The following FRAS1 variants were observed in gnomAD, a reference collection of about 807,000 sequenced individuals.
FRAS1 encodes Fraser extracellular matrix complex subunit 1, also known as extracellular matrix organizing protein FRAS1.
In FRAS1, 290 loss-of-function variants were observed where a neutral mutation model predicts 435.2. The ratio of observed to expected loss-of-function variants is 0.67; its 90% confidence interval spans 0.61 to 0.73. The LOEUF is 0.73. Among genes scored for constraint, FRAS1 ranks in the 30% least tolerant of loss-of-function variants. The pLI, the probability that FRAS1 is intolerant of heterozygous loss-of-function variation, is 0.00. For missense variants in FRAS1, 4,860 were observed against 5,001.5 expected, an observed-to-expected ratio of 0.97 and a Z score of 0.85; for synonymous variants, 1,800 against 1,851.0, an observed-to-expected ratio of 0.97 and a Z score of 0.71.
chr4:78,072,578 G>A (rs964501866), intron 2 of FRAS1, among the ~76,000 whole-genome samples: 2 of 152,070 alleles, frequency 1.3e-5, no homozygotes, highest in Non-Finnish European at 2.9e-5. Context: ...TGCACTCAGC[G>A]GGGAAGCAAT....
chr4:78,418,883 C>A (rs1733650562), intron 32 of FRAS1, 66 bp from the exon 33 acceptor site: 2 of 897,710 alleles, frequency 2.2e-6, no homozygotes, highest in South Asian at 1.6e-5. Context: ...TTAATAAGGT[C>A]TGTTTTTGCC....
At chr4:78,300,089 T>C (rs1728316685) in intron 14 of FRAS1, among the ~76,000 whole-genome samples, 1 of 152,194 alleles carries the variant, frequency 6.6e-6, no homozygotes. Flanking sequence ...GCATGAACAG[T>C]CGTTGACTCT....
intron 15 of FRAS1, 41 bp downstream of exon 15, chr4:78,308,250 TC>T: frequency 6.3e-7 from 1 of 1,591,400 alleles, no homozygotes; most frequent in Non-Finnish European, 8.6e-7. Context: ...CTTTCCTTTT[TC>T]TTTTCCAGCA....
At chr4:78,135,730 G>T (rs887533984) in intron 2 of FRAS1, among the ~76,000 whole-genome samples, 2 of 152,162 alleles carry the variant, frequency 1.3e-5, no homozygotes, top group African/African-American at 4.8e-5. Context: ...CAGCACTACT[G>T]CACATGGTTG....
At chr4:78,370,615 A>G (rs1189749339) in intron 23 of FRAS1, among the ~76,000 whole-genome samples, 1 of 152,198 alleles carries the variant, frequency 6.6e-6, no homozygotes, top group Non-Finnish European at 1.5e-5. Flanking sequence ...GTTTGCATTT[A>G]CAACTTGAGA....
chr4:78,171,013 T>C (rs1721527527), intron 2 of FRAS1, among the ~76,000 whole-genome samples: 1 of 152,046 alleles, frequency 6.6e-6, no homozygotes. Context: ...TTACCAGTCT[T>C]AGGCACAGTC....
At chr4:78,498,842 T>TTTTATTTATTTATTTA (rs61394042) in intron 60 of FRAS1, among the ~76,000 whole-genome samples, 2,144 of 147,756 alleles carry the variant, frequency 0.015, 22 homozygotes, top group African/African-American at 0.033. Flanking sequence ...CAATATATTA[T>TTTTATTTATTTATTTA]TTTATTTATT....
intron 50 of FRAS1, among the ~76,000 whole-genome samples, chr4:78,468,038 TTGA>T (rs1197119050): frequency 1.3e-5 from 2 of 152,142 alleles, no homozygotes; most frequent in East Asian, 3.9e-4. Context: ...CTTCACTGTG[TTGA>T]TTGTTTTCTT....
At chr4:78,277,119 G>A (rs10023311) in intron 9 of FRAS1, among the ~76,000 whole-genome samples, 51,440 of 152,038 alleles carry the variant, frequency 0.34, 9,050 homozygotes, top group South Asian at 0.59. Flanking sequence ...CGAGCCAGGC[G>A]TGGGATATAA....
intron 47 of FRAS1, among the ~76,000 whole-genome samples, chr4:78,453,782 G>A (rs1578334064): frequency 8.2e-6 from 1 of 121,460 alleles, no homozygotes; most frequent in Admixed American, 8.8e-5. Context: ...TGGTGACAGA[G>A]CAAGACCCTA....
At chr4:78,386,299 A>G (rs1732216350) in intron 28 of FRAS1, among the ~76,000 whole-genome samples, 1 of 152,178 alleles carries the variant, frequency 6.6e-6, no homozygotes, top group Admixed American at 6.5e-5. Context: ...AAATTTTCTC[A>G]TGCAAGTTAA....
At chr4:78,308,448 G>T (rs1309599900) in intron 15 of FRAS1, among the ~76,000 whole-genome samples, 2 of 152,208 alleles carry the variant, frequency 1.3e-5, no homozygotes, top group African/African-American at 4.8e-5. Context: ...TCCCGCAGAT[G>T]AAGATAGTGA....
At chr4:78,298,815 A>G (rs1287840341) in intron 14 of FRAS1, among the ~76,000 whole-genome samples, 1 of 152,226 alleles carries the variant, frequency 6.6e-6, no homozygotes. Context: ...CAGTCTGGAT[A>G]CTGGGGGTTT....
At chr4:78,079,889 C>T (rs999429814) in intron 2 of FRAS1, among the ~76,000 whole-genome samples, 5 of 152,124 alleles carry the variant, frequency 3.3e-5, no homozygotes, top group African/African-American at 1.2e-4. Flanking sequence ...TGAAAGCACG[C>T]TGGCCAAAGA....
chr4:78,329,904 G>A (rs1270514989), intron 18 of FRAS1, among the ~76,000 whole-genome samples: 1 of 152,154 alleles, frequency 6.6e-6, no homozygotes, highest in African/African-American at 2.4e-5. Context: ...GTCTATTGGG[G>A]GCTCCACTGT....
In FRAS1 at chr4:78,506,588, G is replaced by A. The variant is rs1022389156; in HGVS notation, c.9317-833G>A. Among the ~76,000 whole-genome samples, 9 of 152,356 alleles carry A rather than the reference G, an allele frequency of 5.9e-5. 1 individual carries two copies. Among genetic ancestry groups the A allele is most frequent in the East Asian group, 3.9e-4 (2 of 5,188 alleles). On this transcript the variant is annotated intron_variant, in intron 61 of 73. Coordinates refer to ENST00000512123, the MANE Select transcript of FRAS1 (RefSeq NM_025074.7). ...TGGGAGAGAATCCCCTGGTCTGCTG[G>A]TTGCTAAGACTGTGGGAAAAGTGCA...
intron 37 of FRAS1, among the ~76,000 whole-genome samples, chr4:78,431,752 T>C (rs970232464): frequency 3.3e-5 from 5 of 152,192 alleles, no homozygotes; most frequent in Non-Finnish European, 7.3e-5. Flanking sequence ...ATTTTATTTA[T>C]TCACATTTTC....
intron 2 of FRAS1, among the ~76,000 whole-genome samples, chr4:78,149,281 T>C (rs1028989344): frequency 1.3e-5 from 2 of 152,198 alleles, no homozygotes; most frequent in African/African-American, 4.8e-5. Context: ...GACTTTTGTG[T>C]GTGTATTTAT....
chr4:78,459,017 A>C (rs919303405), intron 47 of FRAS1, among the ~76,000 whole-genome samples: 1 of 152,226 alleles, frequency 6.6e-6, no homozygotes, highest in Non-Finnish European at 1.5e-5. Flanking sequence ...CTGTTTGGAC[A>C]TTAGAATCAC....
Sources: gnomAD v4.1 joint callset for allele counts (sites outside exome capture counted in the v4.1 genomes callset) on GRCh38, gnomAD v4.1.1 for gene constraint, MANE v1.5 for transcripts, NCBI Gene and HGNC (gene_info 2026-07-23, HGNC 2026-07-21) for gene names.